The following SPTA1 variants were observed in gnomAD, a reference collection of about 807,000 sequenced individuals.
SPTA1 encodes spectrin alpha chain, erythrocytic 1.
Under a neutral mutation model 324.7 loss-of-function variants are expected in SPTA1, and 177 were observed. The observed-to-expected ratio is 0.55, with a 90% confidence interval of 0.48 to 0.62. SPTA1 has a LOEUF of 0.62. Ranked by LOEUF, SPTA1 falls within the 20% of genes least tolerant of loss-of-function variation. The probability of loss-of-function intolerance (pLI) is 0.00; values close to 1 mark genes in which losing one functional copy is unlikely to be tolerated. For missense variants in SPTA1, 3,162 were observed against 2,883.6 expected, an observed-to-expected ratio of 1.10 and a Z score of -2.21; for synonymous variants, 1,195 against 1,041.3, an observed-to-expected ratio of 1.15 and a Z score of -2.84.
chr1:158,654,704 C>T lies in SPTA1; in HGVS notation c.2943G>A (p.Arg981=). The part of the protein sequence containing the change: ...APVEGVAGEQ[R]VMALYDFQAR... ...CCTGGAAGTCATATAAAGCCATGAC[C>T]CTTTGTTCTCCAGCAACTCCCTCCA... Residue 981 remains arginine (R), a synonymous_variant, in exon 21 of 52, where the codon AGG becomes AGA. Coordinates refer to ENST00000643759, the MANE Select transcript of SPTA1 (RefSeq NM_003126.4). 1.9e-6 allele frequency: 3 copies of T among 1,613,698 alleles called. No homozygotes were observed. The highest frequency in any genetic ancestry group is 2.5e-6 in the Non-Finnish European group (3 of 1,179,918).
At position 158,666,299 on chromosome 1, in the gene SPTA1, A is replaced by G. The variant is rs751777516; in HGVS notation, c.2220+17T>C. The G allele has an allele frequency of 3.1e-6, 5 of 1,612,734 alleles. No individual in the cohort carries two copies. The highest frequency in any genetic ancestry group is 1.3e-5 in the African/African-American group (1 of 74,784). On this transcript the variant is annotated intron_variant, in intron 16 of 51. Transcript: ENST00000643759. ...TACACCCATTGCTTATGGCTGGCCA[A>G]AGAGCTAACAACAAACCTGACGAGC... is the stretch of plus-strand genomic sequence containing the variant.
At chr1:158,662,305 C>T (rs1653275575) in intron 17 of SPTA1, among the ~76,000 whole-genome samples, 1 of 152,160 alleles carries the variant, frequency 6.6e-6, no homozygotes, top group African/African-American at 2.4e-5. Flanking sequence ...TGTGCTTTAT[C>T]TGCTACTTCA....
rs749175140 is a variant in SPTA1 at position 158,667,811 on chromosome 1, T to C, written c.2038+47A>G. 57 of 1,590,570 alleles carry C rather than the reference T, an allele frequency of 3.6e-5. No individual in the cohort carries two copies. The Admixed American group carries it at 5.2e-4, about 15-fold the overall frequency. ...CAGTGGTAAAGATAAAGGTAGTAGATTTCAGAATTTAGAAAATGACCTTTC... is the reference window on the plus strand; with the variant it reads ...CAGTGGTAAAGATAAAGGTAGTAGACTTCAGAATTTAGAAAATGACCTTTC... On this transcript the variant is annotated intron_variant, in intron 15 of 51. Transcript: ENST00000643759.
intron 27 of SPTA1, 31 bp from the exon 28 acceptor site, chr1:158,645,625 G>A (rs1557952584): frequency 6.2e-7 from 1 of 1,611,762 alleles, no homozygotes; most frequent in East Asian, 2.2e-5. Flanking sequence ...GAATTGACAA[G>A]AAAACCTTGC....
At chr1:158,618,977 A>G (rs1404957014) in intron 45 of SPTA1, among the ~76,000 whole-genome samples, 1 of 152,222 alleles carries the variant, frequency 6.6e-6, no homozygotes, top group Non-Finnish European at 1.5e-5. Flanking sequence ...GAAAGGTGAG[A>G]GTATCAAGGA....
chr1:158,667,607 C>A (rs1653702019), intron 15 of SPTA1, among the ~76,000 whole-genome samples: 1 of 152,142 alleles, frequency 6.6e-6, no homozygotes. Flanking sequence ...TTTCAGCTCA[C>A]CTGCCACTGC....
chr1:158,615,074 T>C (rs1219653937), intron 48 of SPTA1, 142 bp downstream of exon 48: 2 of 847,624 alleles, frequency 2.4e-6, no homozygotes, highest in Non-Finnish European at 3.8e-6. Flanking sequence ...AAATAGTCAT[T>C]CCGTGGGGCA....
At chr1:158,652,400 A>C in intron 23 of SPTA1, 67 bp downstream of exon 23, 1 of 1,537,240 alleles carries the variant, frequency 6.5e-7, no homozygotes, top group Non-Finnish European at 9.0e-7. Context: ...TTAAAAGATC[A>C]TGTAGAATAT....
chr1:158,681,724 T>A lies in SPTA1; in HGVS notation c.391-57A>T, dbSNP rs1184813722. ...ACAGACACTGGGAGCAGGGAAACAC[T>A]CAGAGACTTGTGCAGAAAGAGACCT... On this transcript the variant is annotated intron_variant, in intron 3 of 51. Coordinates refer to ENST00000643759, the MANE Select transcript of SPTA1 (RefSeq NM_003126.4). 3.7e-6 allele frequency: 6 copies of A among 1,610,672 alleles called. No individual in the cohort carries two copies. In the East Asian group the frequency reaches 1.1e-4, roughly 30 times the overall value.
Position 158,615,720 on chromosome 1 carries a change from T to TATTTGTCTG in SPTA1, c.6601-318_6601-317insCAGACAAAT, listed in dbSNP as rs397960939. 3.3e-5 allele frequency among the ~76,000 whole-genome samples: 5 copies of TATTTGTCTG among 152,006 alleles called. No homozygotes were observed. The East Asian group carries it at 9.6e-4, about 29-fold the overall frequency. On this transcript the variant is annotated intron_variant, in intron 47 of 51. Coordinates refer to ENST00000643759, the MANE Select transcript of SPTA1 (RefSeq NM_003126.4). ...ATCATCTATCTATCATCTATCTATC[T>TATTTGTCTG]GTCTGTCTATCATCTGTCATCTATC... is the stretch of plus-strand genomic sequence containing the variant.
Position 158,667,948 on chromosome 1 carries a change from C to T in SPTA1, c.1948G>A (p.Gly650Ser), listed in dbSNP as rs201176207. 3.0e-5 allele frequency: 49 copies of T among 1,613,904 alleles called. No individual in the cohort carries two copies. The East Asian group carries it at 1.1e-3, about 36-fold the overall frequency. Residue 650 changes from glycine to serine, a missense_variant, in exon 15 of 52, where the codon GGT becomes AGT. Coordinates refer to ENST00000643759, the MANE Select transcript of SPTA1 (RefSeq NM_003126.4). The part of the protein sequence containing the change: ...IQKTGQEMIE[G>S]GHYASDNVTT... ...ACATTGTCAGAGGCATAGTGACCAC[C>T]CTCAATCATCTCTTGGCCAGTTTTC...
chr1:158,681,125 A>G (rs1308221147), intron 4 of SPTA1, among the ~76,000 whole-genome samples: 1 of 152,162 alleles, frequency 6.6e-6, no homozygotes, highest in Non-Finnish European at 1.5e-5. Context: ...TTTAGTATTT[A>G]GAAAAATAAA....
rs189762906 is a variant in SPTA1, at chr1:158,615,010, C to G, written c.6788+206G>C. 17 of 588,328 alleles carry G rather than the reference C, an allele frequency of 2.9e-5. No homozygotes were observed. In the East Asian group the frequency reaches 3.5e-4, roughly 12 times the overall value. The allele number at this position is 588,328 out of a possible 1,614,324, so 36.4% of individuals were successfully genotyped here. A position where few individuals can be genotyped will look rare whatever the true frequency, so the allele number is the denominator to read the frequency against. ...TGTCCAAGTGGGTGATGAGTAGGCT[C>G]AGGTGGATGGAGAGCACTGTCTTTT... On this transcript the variant is annotated intron_variant, in intron 48 of 51. Transcript: ENST00000643759.
chr1:158,617,586 G>T lies in SPTA1; in HGVS notation c.6551C>A (p.Ser2184Ter). 2 of 1,612,534 alleles carry T rather than the reference G, an allele frequency of 1.2e-6. No individual in the cohort carries two copies. Among genetic ancestry groups the T allele is most frequent in the South Asian group, 1.1e-5 (1 of 91,036 alleles). ...CAGAGTTCCTGTTTCTTTGAGCAAT[G>T]ATCTAGTTAAGAACCGAAGGAAATC... is the stretch of plus-strand genomic sequence containing the variant. ...LETRAYFLDGSLLKETGTLES... is the reference protein window; with the variant it reads ...LETRAYFLDG Residue 2184 changes from serine to a stop codon, truncating the protein, a stop_gained and splice_region_variant, in exon 47 of 52, where the codon TCA (serine) becomes TAA (stop). Transcript: ENST00000643759. LOFTEE classifies it high-confidence loss of function.
rs762361277 is a variant in SPTA1 at position 158,653,296 on chromosome 1, G to T, written c.3166C>A (p.Arg1056Ser). Residue 1056 changes from arginine to serine, a missense_variant, in exon 22 of 52, where the codon CGC (arginine) becomes AGC (serine). By Grantham distance (110) the Arg-to-Ser change is moderately radical. Transcript: ENST00000643759. ...RREEPGNITQ[R>S]QEQIENQYRS... ...TACTGGTTCTCAATCTGCTCCTGGC[G>T]CTGGGTGATGTTTCCTGGCTCTTCT... 4.3e-6 allele frequency: 7 copies of T among 1,614,080 alleles called. No homozygotes were observed. The highest frequency in any genetic ancestry group is 5.9e-6 in the Non-Finnish European group (7 of 1,180,014).
chr1:158,645,537 G>C lies in SPTA1; in HGVS notation c.3954C>G (p.Ala1318=). The part of the protein sequence containing the change: ...IGGMVSSQEL[A]EDLTGIEILL... ...AGATCTCTATGCCAGTTAAGTCTTCGGCCAGCTCCTGTGATGATACCATGC... is the reference window on the plus strand; with the variant it reads ...AGATCTCTATGCCAGTTAAGTCTTCCGCCAGCTCCTGTGATGATACCATGC... Residue 1318 remains alanine (A), a synonymous_variant, in exon 28 of 52, where the codon GCC becomes GCG. Coordinates refer to ENST00000643759, the MANE Select transcript of SPTA1 (RefSeq NM_003126.4). The C allele has an allele frequency of 6.2e-7, 1 of 1,613,886 alleles. No homozygotes were observed. The highest frequency in any genetic ancestry group is 8.5e-7 in the Non-Finnish European group (1 of 1,179,910).
chr1:158,615,888 G>C (rs1649528408), intron 47 of SPTA1, among the ~76,000 whole-genome samples: 1 of 152,130 alleles, frequency 6.6e-6, no homozygotes, highest in South Asian at 2.1e-4. Flanking sequence ...TCACTCCTGG[G>C]CCACTTTCAT....
chr1:158,615,502 G>T (rs910224859), intron 47 of SPTA1, 99 bp from the exon 48 acceptor site: 47 of 1,195,928 alleles, frequency 3.9e-5, no homozygotes, highest in Non-Finnish European at 5.6e-5. Flanking sequence ...TTATTTTCAG[G>T]AATCTTCTTG....
At position 158,666,417 on chromosome 1, in the gene SPTA1, C is replaced by A; in HGVS notation, c.2119G>T (p.Glu707Ter). The A allele has an allele frequency of 6.2e-7, 1 of 1,613,750 alleles. No individual in the cohort carries two copies. Residue 707 changes from glutamate (E) to a stop codon, truncating the protein, a stop_gained, in exon 16 of 52, where the codon GAG (glutamate) becomes TAG (stop). Coordinates refer to ENST00000643759, the MANE Select transcript of SPTA1 (RefSeq NM_003126.4). LOFTEE classifies it high-confidence loss of function. ...TAATCCTCAGAGGTGACTTGCCACT[C>A]AACATCCTCCAGCCAGCGCTGCAAA... ...EDLQRWLEDV[E>*]WQVTSEDYGK... is the part of the protein sequence containing the mutation.
Sources: gnomAD v4.1 joint callset for allele counts (sites outside exome capture counted in the v4.1 genomes callset) on GRCh38, gnomAD v4.1.1 for gene constraint, MANE v1.5 for transcripts, NCBI Gene and HGNC (gene_info 2026-07-23, HGNC 2026-07-21) for gene names.